GALNT13: variants seen among roughly 807,000 people sequenced by gnomAD.
The protein encoded by GALNT13 is UDP-GalNAc:polypeptide N-acetylgalactosaminyltransferase 13.
Under a neutral mutation model 64.2 loss-of-function variants are expected in GALNT13, and 28 were observed. The observed-to-expected ratio is 0.44, with a 90% confidence interval of 0.32 to 0.60. GALNT13 has a LOEUF of 0.60. GALNT13 is among the 20% of genes least tolerant of loss of function. GALNT13 has a pLI of 0.05. For synonymous variants in GALNT13, 214 were observed against 224.6 expected (o/e 0.95, Z 0.42); for missense variants, 577 against 669.8 (o/e 0.86, Z 1.53).
At chr2:153,277,836 T>A in the GALNT13 span, among the ~76,000 whole-genome samples, 1 of 151,800 alleles carries the variant, frequency 6.6e-6, no homozygotes, top group East Asian at 1.9e-4. Context: ...TTTTGAGAAG[T>A]ATCTGTTCTT....
chr2:153,834,552 G>C, the GALNT13 span, among the ~76,000 whole-genome samples: 2 of 152,028 alleles, frequency 1.3e-5, no homozygotes. Context: ...TCAAGGGATG[G>C]CAAAAATTAG....
intron 2 of GALNT13, among the ~76,000 whole-genome samples, chr2:153,934,396 T>C (rs902908734): frequency 1.3e-5 from 2 of 152,152 alleles, no homozygotes; most frequent in Non-Finnish European, 2.9e-5. Context: ...TGTGTGATGA[T>C]CTCAGGTCTG....
chr2:153,432,608 T>G, the GALNT13 span, among the ~76,000 whole-genome samples: 1 of 152,058 alleles, frequency 6.6e-6, no homozygotes, highest in Non-Finnish European at 1.5e-5. Context: ...CAGAAGCTTC[T>G]GCCCCATCCC....
chr2:153,648,107 G>C, the GALNT13 span, among the ~76,000 whole-genome samples: 74,678 of 151,936 alleles, frequency 0.49, 18,897 homozygotes, highest in Middle Eastern at 0.64. Context: ...AGCATGGAAT[G>C]TTCTTCCATT....
the GALNT13 span, among the ~76,000 whole-genome samples, chr2:153,567,819 G>A: frequency 2.0e-5 from 3 of 152,110 alleles, no homozygotes; most frequent in Non-Finnish European, 2.9e-5. Flanking sequence ...TTAATCTACG[G>A]GAATCAGGTA....
the GALNT13 span, among the ~76,000 whole-genome samples, chr2:153,548,610 C>A: frequency 1.3e-5 from 2 of 152,154 alleles, no homozygotes; most frequent in African/African-American, 2.4e-5. Context: ...AGGCCCCTGA[C>A]ACTTTTCATC....
At chr2:153,689,230 C>T in the GALNT13 span, among the ~76,000 whole-genome samples, 5 of 151,806 alleles carry the variant, frequency 3.3e-5, no homozygotes, top group Admixed American at 3.3e-4. Context: ...CTTTGTATTC[C>T]CATTTTCATT....
chr2:153,681,012 G>A, the GALNT13 span, among the ~76,000 whole-genome samples: 2 of 152,056 alleles, frequency 1.3e-5, no homozygotes, highest in South Asian at 4.1e-4. Flanking sequence ...CTCTGGGTCT[G>A]AGAAGACAAG....
At chr2:153,438,106 A>G in the GALNT13 span, among the ~76,000 whole-genome samples, 355 of 152,296 alleles carry the variant, frequency 2.3e-3, 2 homozygotes, top group African/African-American at 8.0e-3. Flanking sequence ...GCTGGATATG[A>G]AATTCTGGGT....
the GALNT13 span, among the ~76,000 whole-genome samples, chr2:153,592,543 C>T: frequency 6.6e-6 from 1 of 152,154 alleles, no homozygotes; most frequent in Non-Finnish European, 1.5e-5. Flanking sequence ...TCTTTTGCAG[C>T]ACCATGAGTA....
the GALNT13 span, among the ~76,000 whole-genome samples, chr2:153,365,648 C>G: frequency 6.6e-6 from 1 of 152,144 alleles, no homozygotes; most frequent in African/African-American, 2.4e-5. Context: ...AAAAACAGCT[C>G]AACATCACTA....
chr2:154,193,133 A>T (rs952874804), intron 4 of GALNT13, among the ~76,000 whole-genome samples: 1 of 152,238 alleles, frequency 6.6e-6, no homozygotes, highest in Non-Finnish European at 1.5e-5. Flanking sequence ...GCTTCTGCTC[A>T]GGATAAGAGT....
chr2:153,668,669 C>T, the GALNT13 span, among the ~76,000 whole-genome samples: 1 of 152,020 alleles, frequency 6.6e-6, no homozygotes, highest in Non-Finnish European at 1.5e-5. Context: ...GTTCCTGGCC[C>T]CCACCTACTC....
At chr2:153,146,738 A>G in the GALNT13 span, among the ~76,000 whole-genome samples, 2 of 151,930 alleles carry the variant, frequency 1.3e-5, no homozygotes, top group East Asian at 1.9e-4. Flanking sequence ...TACTAAAGCT[A>G]GAGAAAGATA....
chr2:154,312,565 G>A (rs1172929840), intron 9 of GALNT13, among the ~76,000 whole-genome samples: 1 of 152,082 alleles, frequency 6.6e-6, no homozygotes, highest in African/African-American at 2.4e-5. Flanking sequence ...ACATGTGTGT[G>A]GTAATTTGAT....
chr2:154,124,517 TAGATG>T (rs965613245), intron 3 of GALNT13, among the ~76,000 whole-genome samples: 3 of 152,142 alleles, frequency 2.0e-5, no homozygotes, highest in African/African-American at 7.2e-5. Flanking sequence ...TTCTTTTCAT[TAGATG>T]AGATATTTTG....
chr2:153,804,619 A>C, the GALNT13 span, among the ~76,000 whole-genome samples: 2 of 152,174 alleles, frequency 1.3e-5, no homozygotes, highest in African/African-American at 4.8e-5. Flanking sequence ...GGAAGAGTGC[A>C]TTTATTTTTT....
chr2:153,387,996 G>C, the GALNT13 span, among the ~76,000 whole-genome samples: 6 of 151,350 alleles, frequency 4.0e-5, 1 homozygote, highest in Non-Finnish European at 8.8e-5. Flanking sequence ...TAGTAACTTT[G>C]GGAATTGTGG....
the GALNT13 span, among the ~76,000 whole-genome samples, chr2:153,695,302 A>C: frequency 2.0e-4 from 30 of 152,136 alleles, no homozygotes; most frequent in African/African-American, 7.0e-4. Flanking sequence ...AAAGTGACTC[A>C]CTCTTATCAG....
Sources: gnomAD v4.1 joint callset for allele counts (sites outside exome capture counted in the v4.1 genomes callset) on GRCh38, gnomAD v4.1.1 for gene constraint, MANE v1.5 for transcripts, NCBI Gene and HGNC (gene_info 2026-07-23, HGNC 2026-07-21) for gene names.